Variants in ASTN2 observed in about 807,000 individuals in gnomAD.
The protein encoded by ASTN2 is astrotactin 2, also known as astrotactin-2.
A neutral mutation model predicts 139.8 loss-of-function variants in ASTN2; 54 were observed. That is an observed-to-expected ratio of 0.39 (90% CI 0.31 to 0.48). The LOEUF (loss-of-function observed/expected upper bound fraction) is 0.48, where lower values mean the gene tolerates loss of function less well. Among genes scored for constraint, ASTN2 ranks in the 20% least tolerant of loss-of-function variants. ASTN2 has a pLI of 0.95. For missense variants in ASTN2, 1,565 were observed against 1,725.1 expected (o/e 0.91, Z 1.64); for synonymous variants, 756 against 719.5 (o/e 1.05, Z -0.81).
intron 17 of ASTN2, among the ~76,000 whole-genome samples, chr9:116,640,019 T>A (rs183476518): frequency 1.2e-3 from 182 of 152,280 alleles, no homozygotes; most frequent in Non-Finnish European, 1.7e-3. Context: ...AAAGTTGGTG[T>A]AGTACCTGGT....
In ASTN2 at chr9:116,703,335, T is replaced by C. The variant is rs1179319746; in HGVS notation, c.2806+22436A>G. ...ACTTTTTGATGGGGTTGTTTGTTTT[T>C]TTCTTGTAAATTTGTTTGAGTTCAT... On this transcript the variant is annotated intron_variant, in intron 16 of 22. Coordinates refer to ENST00000313400, the MANE Select transcript of ASTN2 (RefSeq NM_001365068.1). Among the ~76,000 whole-genome samples the C allele has an allele frequency of 8.6e-5, 13 of 151,014 alleles. No homozygotes were observed. The South Asian group carries it at 2.8e-3, about 32-fold the overall frequency.
chr9:117,374,994 C>A (rs1043127399), intron 1 of ASTN2, among the ~76,000 whole-genome samples: 2 of 152,190 alleles, frequency 1.3e-5, no homozygotes, highest in Admixed American at 6.5e-5. Context: ...TCTTTAGAAC[C>A]AATCCTTCTT....
rs146872399 is a variant in ASTN2, at chr9:117,382,106, C to A, written c.442+32391G>T. Among the ~76,000 whole-genome samples, 85 of 152,202 alleles carry A rather than the reference C, an allele frequency of 5.6e-4. 1 individual carries two copies. Among genetic ancestry groups the A allele is most frequent in the African/African-American group, 2.0e-3 (83 of 41,532 alleles). ...AATAATGGGATGCTGATGGGGAATT[C>A]TATGCAAGGTAATAACAATTCTATT... is the stretch of plus-strand genomic sequence containing the variant. On this transcript the variant is annotated intron_variant, in intron 1 of 22. Coordinates refer to ENST00000313400, the MANE Select transcript of ASTN2 (RefSeq NM_001365068.1).
chr9:116,630,893 C>A (rs1235408004), intron 17 of ASTN2, among the ~76,000 whole-genome samples: 2 of 151,724 alleles, frequency 1.3e-5, no homozygotes, highest in African/African-American at 4.8e-5. Context: ...TAAAAATGGG[C>A]AAGAGAGCTG....
intron 7 of ASTN2, among the ~76,000 whole-genome samples, chr9:116,996,731 A>G (rs761915217): frequency 5.9e-5 from 9 of 152,272 alleles, no homozygotes; most frequent in South Asian, 4.1e-4. Context: ...TTTATATCCT[A>G]ATAACACTCT....
At chr9:117,017,051 G>C (rs1837734644) in intron 6 of ASTN2, among the ~76,000 whole-genome samples, 1 of 151,728 alleles carries the variant, frequency 6.6e-6, no homozygotes, top group African/African-American at 2.4e-5. Context: ...GGGTGTTTGA[G>C]TCTGGACAAA....
chr9:116,730,454 G>A (rs1284086237), intron 14 of ASTN2, among the ~76,000 whole-genome samples: 1 of 152,120 alleles, frequency 6.6e-6, no homozygotes, highest in East Asian at 1.9e-4. Flanking sequence ...TATGTCCACT[G>A]GAGTGAGGTT....
chr9:117,369,103 C>T (rs1808607627), intron 1 of ASTN2, among the ~76,000 whole-genome samples: 1 of 152,126 alleles, frequency 6.6e-6, no homozygotes, highest in Non-Finnish European at 1.5e-5. Flanking sequence ...AGTGTTTTTC[C>T]CCATCATGGC....
intron 1 of ASTN2, among the ~76,000 whole-genome samples, chr9:117,381,792 A>G (rs1830277608): frequency 6.6e-6 from 1 of 152,182 alleles, no homozygotes; most frequent in South Asian, 2.1e-4. Context: ...ACTAAATTTT[A>G]CACCTTTAAT....
intron 16 of ASTN2, chr9:116,700,763 A>T (rs1178902266): frequency 1.8e-5 from 3 of 166,936 alleles, no homozygotes; most frequent in East Asian, 1.9e-4. Flanking sequence ...TCTGGTGTTC[A>T]TGTCTTTTAA....
At chr9:116,644,171 A>G (rs1857478527) in intron 17 of ASTN2, among the ~76,000 whole-genome samples, 2 of 152,052 alleles carry the variant, frequency 1.3e-5, no homozygotes, top group Non-Finnish European at 2.9e-5. Flanking sequence ...CTTGGCTGTT[A>G]ATTTCTCTTC....
At chr9:117,016,834 T>C (rs1260475126) in intron 6 of ASTN2, among the ~76,000 whole-genome samples, 1 of 147,916 alleles carries the variant, frequency 6.8e-6, no homozygotes, top group African/African-American at 2.5e-5. Context: ...TATATGTTTT[T>C]CCAAATAAAG....
chr9:117,026,473 C>A (rs10120787), intron 6 of ASTN2, among the ~76,000 whole-genome samples: 8,566 of 152,182 alleles, frequency 0.056, 724 homozygotes, highest in African/African-American at 0.18. Context: ...GGTCATCAAC[C>A]TTTCAGGGAT....
intron 2 of ASTN2, among the ~76,000 whole-genome samples, chr9:117,278,588 C>A (rs912505941): frequency 1.3e-4 from 20 of 152,290 alleles, no homozygotes; most frequent in African/African-American, 4.3e-4. Context: ...GAGAAGGTGG[C>A]AGGCAGTAAT....
intron 3 of ASTN2, among the ~76,000 whole-genome samples, chr9:117,146,142 G>A (rs571542957): frequency 8.6e-5 from 13 of 151,976 alleles, no homozygotes; most frequent in Middle Eastern, 3.4e-3. Context: ...GATCCCTCCC[G>A]ACCCCATTCA....
intron 1 of ASTN2, among the ~76,000 whole-genome samples, chr9:117,296,002 T>C (rs567258560): frequency 4.5e-4 from 68 of 151,802 alleles, no homozygotes; most frequent in Non-Finnish European, 6.5e-4. Context: ...GTTCAGGGCC[T>C]GGCGTGGTGG....
intron 13 of ASTN2, among the ~76,000 whole-genome samples, chr9:116,788,054 A>C (rs1830425036): frequency 6.6e-6 from 1 of 152,144 alleles, no homozygotes; most frequent in Non-Finnish European, 1.5e-5. Context: ...TAAGTGAAAT[A>C]AGCCAAACAC....
At chr9:117,134,291 TATATACAC>T (rs1409113416) in intron 4 of ASTN2, among the ~76,000 whole-genome samples, 310 of 53,608 alleles carry the variant, frequency 5.8e-3, no homozygotes, top group African/African-American at 0.016. Context: ...TATATATATA[TATATACAC>T]ACACACACAC....
intron 1 of ASTN2, among the ~76,000 whole-genome samples, chr9:117,385,541 A>C (rs1180262336): frequency 6.6e-6 from 1 of 152,038 alleles, no homozygotes; most frequent in African/African-American, 2.4e-5. Flanking sequence ...CAGTCAGGCA[A>C]GGGATGAGTA....
Sources: gnomAD v4.1 joint callset for allele counts (sites outside exome capture counted in the v4.1 genomes callset) on GRCh38, gnomAD v4.1.1 for gene constraint, MANE v1.5 for transcripts, NCBI Gene and HGNC (gene_info 2026-07-23, HGNC 2026-07-21) for gene names.